The following CCNG2 variants were observed in gnomAD, a reference collection of about 807,000 sequenced individuals.
CCNG2 encodes the protein cyclin-G2.
In CCNG2, 20 loss-of-function variants were observed where a neutral mutation model predicts 36.5. The observed-to-expected ratio is 0.55, with a 90% CI of 0.39 to 0.80. CCNG2 has a LOEUF of 0.80. Among genes scored for constraint, CCNG2 ranks in the 30% least tolerant of loss-of-function variants. The pLI is 0.00. For missense variants in CCNG2, 358 were observed against 390.8 expected (o/e 0.92, Z 0.71); for synonymous variants, 155 against 140.1 (o/e 1.11, Z -0.75).
chr4:77,161,480 G>GA lies in CCNG2; in HGVS notation c.531dup (p.Glu178ArgfsTer6). 1 of 1,584,518 alleles carries GA rather than the reference G, an allele frequency of 6.3e-7. No individual in the cohort carries two copies. The highest frequency in any genetic ancestry group is 1.8e-4 in the Middle Eastern group (1 of 5,662). On this transcript the variant is annotated frameshift_variant and splice_region_variant, in exon 5 of 8. Transcript: ENST00000316355. LOFTEE classifies it high-confidence loss of function. ...AATCTTTGTTCTTTGCATTGTATAG[G>GA]AAAGAAATACTGAGCCTTGATAAAC...
rs191501327 is a variant in CCNG2 at position 77,159,981 on chromosome 4, T to C, written c.276+477T>C. Among the ~76,000 whole-genome samples, 710 of 152,298 alleles carry C rather than the reference T, an allele frequency of 4.7e-3. 5 individuals carry two copies. Among genetic ancestry groups the C allele is most frequent in the African/African-American group, 0.017 (688 of 41,546 alleles). ...ATGGCTAGAAAAATGTGGGGAATCT[T>C]CTGCCAGTAGGATTGCTGTCAGCTG... On this transcript the variant is annotated intron_variant, in intron 3 of 7. Transcript: ENST00000316355.
intron 3 of CCNG2, 65 bp downstream of exon 3, chr4:77,159,569 C>G (rs1731370430): frequency 6.7e-7 from 1 of 1,492,498 alleles, no homozygotes; most frequent in Non-Finnish European, 9.1e-7. Context: ...ACACAGGGTT[C>G]AAGAAATATT....
Position 77,169,776 on chromosome 4 carries a change from C to T in CCNG2, c.*3852C>T, listed in dbSNP as rs1315683336. 1.3e-5 allele frequency: 2 copies of T among 152,156 alleles called. No individual in the cohort carries two copies. The highest frequency in any genetic ancestry group is 1.3e-4 in the Admixed American group (2 of 15,276). 9.4% of individuals were successfully genotyped at this position (152,156 alleles called of 1,614,324 possible). A position where few individuals can be genotyped will look rare whatever the true frequency, so the allele number is the denominator to read the frequency against. The stretch of plus-strand genomic sequence containing the variant: ...GAATGTGGGTGTATCCTCAGCTACA[C>T]CACAGAAAACAGAGGAACTACTCAG... On this transcript the variant is annotated 3_prime_UTR_variant, in exon 8 of 8. Coordinates refer to ENST00000316355, the MANE Select transcript of CCNG2 (RefSeq NM_004354.3).
At chr4:77,163,067 G>C (rs4150080) in intron 6 of CCNG2, among the ~76,000 whole-genome samples, 5 of 152,090 alleles carry the variant, frequency 3.3e-5, no homozygotes, top group African/African-American at 9.7e-5. Flanking sequence ...GTGTACACAG[G>C]TGGGTGTCTA....
At chr4:77,157,563 G>T (rs147079030) in intron 1 of CCNG2, 57 bp downstream of exon 1, 1 of 152,538 alleles carries the variant, frequency 6.6e-6, no homozygotes, top group African/African-American at 2.4e-5. Flanking sequence ...GGGGACTGTG[G>T]GCTTTGAGGA....
At position 77,165,797 on chromosome 4, in the gene CCNG2, T is replaced by C; in HGVS notation, c.912-4T>C. The stretch of plus-strand genomic sequence containing the variant: ...CCTCTTTTTTTGTCTCTTTTTCTCT[T>C]TAGTGAGGACTCTTGTGAAGATATG... On this transcript the variant is annotated splice_region_variant and splice_polypyrimidine_tract_variant and intron_variant, in intron 7 of 7. Coordinates refer to ENST00000316355, the MANE Select transcript of CCNG2 (RefSeq NM_004354.3). The C allele has an allele frequency of 6.4e-7, 1 of 1,551,914 alleles. No homozygotes were observed.
intron 2 of CCNG2, among the ~76,000 whole-genome samples, 190 bp from the exon 3 acceptor site, chr4:77,159,177 C>T (rs1226092706): frequency 6.6e-6 from 1 of 152,168 alleles, no homozygotes; most frequent in Non-Finnish European, 1.5e-5. Flanking sequence ...CAGTGATTTA[C>T]GTCTTACAGA....
intron 7 of CCNG2, among the ~76,000 whole-genome samples, chr4:77,165,494 A>G (rs1731604816): frequency 6.7e-6 from 1 of 150,240 alleles, no homozygotes; most frequent in Admixed American, 6.6e-5. Context: ...TTTTGTAGAG[A>G]TGGGATTTTG....
intron 6 of CCNG2, among the ~76,000 whole-genome samples, 191 bp from the exon 7 acceptor site, chr4:77,164,083 T>C (rs2109921711): frequency 6.6e-6 from 1 of 152,282 alleles, no homozygotes; most frequent in East Asian, 1.9e-4. Context: ...TACAATCACC[T>C]AGGGAACTTA....
Position 77,160,869 on chromosome 4 carries a change from A to G in CCNG2, c.425A>G (p.Glu142Gly). 6.2e-7 allele frequency: 1 copy of G among 1,613,798 alleles called. No individual in the cohort carries two copies. The highest frequency in any genetic ancestry group is 8.5e-7 in the Non-Finnish European group (1 of 1,179,914). ...KCTASDIKRMEKIISEKLHYE... is the reference protein window; with the variant it reads ...KCTASDIKRMGKIISEKLHYE... The stretch of plus-strand genomic sequence containing the variant: ...ACTGCTTCTGACATAAAACGGATGG[A>G]AAAAATAATTTCAGAAAAATTGCAC... The change falls in exon 4 of 8, where the codon GAA becomes GGA. Residue 142 changes from glutamate (E) to glycine (G), a missense_variant. Transcript: ENST00000316355.
In CCNG2 at chr4:77,166,035, A is replaced by AT. The variant is rs1731626765; in HGVS notation, c.*112dup. The AT allele has an allele frequency of 7.3e-6, 7 of 953,294 alleles. No homozygotes were observed. Among genetic ancestry groups the AT allele is most frequent in the Non-Finnish European group, 1.1e-5 (7 of 660,134 alleles). 59.1% of individuals were successfully genotyped at this position (953,294 alleles called of 1,614,324 possible). A position where few individuals can be genotyped will look rare whatever the true frequency, so the allele number is the denominator to read the frequency against. On this transcript the variant is annotated 3_prime_UTR_variant, in exon 8 of 8. Transcript: ENST00000316355. Reference sequence around the variant, plus strand: ...TCTAGTCAGGAATTAATATACTGGAATACCTACCTTCTATTTGTTATTCAG... The same window carrying AT: ...TCTAGTCAGGAATTAATATACTGGAATTACCTACCTTCTATTTGTTATTCAG...
rs1731663171 is a variant in CCNG2 at position 77,167,745 on chromosome 4, A to C, written c.*1821A>C. 6.6e-6 allele frequency: 1 copy of C among 152,158 alleles called. No homozygotes were observed. The highest frequency in any genetic ancestry group is 6.5e-5 in the Admixed American group (1 of 15,286). The allele number at this position is 152,158 out of a possible 1,614,324, so 9.4% of individuals were successfully genotyped here. A position where few individuals can be genotyped will look rare whatever the true frequency, so the allele number is the denominator to read the frequency against. ...TTTCTCTAGTTAGAAAATCAGGTAC[A>C]CTGAATATGGTTTTCATGTAACACC... On this transcript the variant is annotated 3_prime_UTR_variant, in exon 8 of 8. Coordinates refer to ENST00000316355, the MANE Select transcript of CCNG2 (RefSeq NM_004354.3).
chr4:77,165,663 T>C (rs1560424498), intron 7 of CCNG2, 138 bp from the exon 8 acceptor site: 2 of 643,792 alleles, frequency 3.1e-6, no homozygotes, highest in East Asian at 3.2e-5. Context: ...GAAGTCCTTA[T>C]AAATTTTGTC....
chr4:77,166,357 A>G lies in CCNG2; in HGVS notation c.*433A>G, dbSNP rs181262512. On this transcript the variant is annotated 3_prime_UTR_variant, in exon 8 of 8. Coordinates refer to ENST00000316355, the MANE Select transcript of CCNG2 (RefSeq NM_004354.3). ...GATAATCCTTAATGGTTTATCATAG[A>G]TTTCACCCTCCCCCCTTCTCAGAAG... The G allele has an allele frequency of 6.6e-6, 1 of 152,570 alleles. No homozygotes were observed. Among genetic ancestry groups the G allele is most frequent in the Non-Finnish European group, 1.5e-5 (1 of 68,162 alleles). 9.5% of individuals were successfully genotyped at this position (152,570 alleles called of 1,614,324 possible). A position where few individuals can be genotyped will look rare whatever the true frequency, so the allele number is the denominator to read the frequency against.
chr4:77,161,799 T>A (rs1731445848), intron 6 of CCNG2, 52 bp downstream of exon 6: 1 of 1,108,802 alleles, frequency 9.0e-7, no homozygotes, highest in Non-Finnish European at 1.3e-6. Flanking sequence ...ATGTTTATTT[T>A]TTTCTGTGGT....
At position 77,163,288 on chromosome 4, in the gene CCNG2, C is replaced by T. The variant is rs117556471; in HGVS notation, c.706-986C>T. On this transcript the variant is annotated intron_variant, in intron 6 of 7. Transcript: ENST00000316355. ...AGGTACATCCCCACAAGTAGAAGCA[C>T]TGTCAGACTGGAAGGAGGTTTTTAA... Among the ~76,000 whole-genome samples the T allele has an allele frequency of 4.2e-4, 64 of 152,196 alleles. No homozygotes were observed. The East Asian group carries it at 0.012, about 28-fold the overall frequency.
At chr4:77,158,363 T>A (rs1731330118) in intron 1 of CCNG2, 170 bp from the exon 2 acceptor site, 1 of 612,478 alleles carries the variant, frequency 1.6e-6, no homozygotes, top group Admixed American at 3.1e-5. Context: ...TCCCTGGCCG[T>A]GGTGGGGATT....
intron 1 of CCNG2, among the ~76,000 whole-genome samples, chr4:77,158,084 C>T (rs1214906331): frequency 6.6e-6 from 1 of 152,068 alleles, no homozygotes; most frequent in East Asian, 1.9e-4. Flanking sequence ...GAGTCTCCTC[C>T]CTCCGCTTCT....
chr4:77,158,640 A>G lies in CCNG2; in HGVS notation c.108A>G (p.Lys36=). The G allele has an allele frequency of 6.2e-7, 1 of 1,614,008 alleles. No homozygotes were observed. Among genetic ancestry groups the G allele is most frequent in the Non-Finnish European group, 8.5e-7 (1 of 1,179,936 alleles). The part of the protein sequence containing the change: ...EQEERFQPRE[K]GLSLIEATPE... ...AAGAGAGATTCCAACCTCGAGAAAA[A>G]GGGCTGAGTTTGATTGAGGCTACCC... Residue 36 remains lysine, a synonymous_variant, in exon 2 of 8, where the codon AAA becomes AAG. Coordinates refer to ENST00000316355, the MANE Select transcript of CCNG2 (RefSeq NM_004354.3).
Sources: allele counts gnomAD v4.1 joint callset (sites outside exome capture counted in the v4.1 genomes callset), GRCh38; gene constraint gnomAD v4.1.1; transcripts MANE v1.5; gene names NCBI Gene and HGNC (gene_info 2026-07-23, HGNC 2026-07-21).